HS3ST3A1: variants seen among roughly 807,000 people sequenced by gnomAD.
HS3ST3A1 encodes the protein heparan sulfate glucosamine 3-O-sulfotransferase 3A1.
HS3ST3A1 carries 19 observed loss-of-function variants against 25.7 expected under a neutral mutation model. The ratio of observed to expected loss-of-function variants is 0.74; its 90% CI spans 0.52 to 1.08. The LOEUF is 1.08. HS3ST3A1 is among the 50% of genes least tolerant of loss of function. The pLI is 0.00. For synonymous variants in HS3ST3A1, 226 were observed against 278.6 expected, an observed-to-expected ratio of 0.81 and a Z score of 1.88; for missense variants, 459 against 594.3, an observed-to-expected ratio of 0.77 and a Z score of 2.37.
At position 13,601,054 on chromosome 17, in the gene HS3ST3A1, A is replaced by G; in HGVS notation, c.76T>C (p.Leu26=). The change falls in exon 1 of 2, where the codon TTG becomes CTG. Residue 26 remains leucine, a synonymous_variant. Transcript: ENST00000284110. ...GTGAGCAGGGAGCAGAGCATCAGCA[A>G]GAACTTCCGGAAGATGCTGCGGGAC... ...PLSRSIFRKF[L]LMLCSLLTSL... The G allele has an allele frequency of 6.2e-7, 1 of 1,600,028 alleles. No individual in the cohort carries two copies. The highest frequency in any genetic ancestry group is 1.1e-5 in the South Asian group (1 of 88,478).
chr17:13,543,634 A>T (rs910224529), intron 1 of HS3ST3A1: 1 of 161,832 alleles, frequency 6.2e-6, no homozygotes, highest in South Asian at 2.0e-4. Context: ...AACCTAATAC[A>T]TGCAGAATCA....
intron 1 of HS3ST3A1, among the ~76,000 whole-genome samples, chr17:13,575,666 G>A (rs1907931123): frequency 6.6e-6 from 1 of 152,220 alleles, no homozygotes; most frequent in Admixed American, 6.5e-5. Flanking sequence ...GATAAGAAGG[G>A]AGGGAAATTG....
At position 13,560,239 on chromosome 17, in the gene HS3ST3A1, G is replaced by A. The variant is rs571396733; in HGVS notation, c.599+40292C>T. 5.8e-4 allele frequency among the ~76,000 whole-genome samples: 71 copies of A among 123,424 alleles called. No individual in the cohort carries two copies. In the Middle Eastern group the frequency reaches 0.037, roughly 65 times the overall value. 81.0% of individuals were successfully genotyped at this position (123,424 alleles called of 152,430 possible). ...CGAGAGGTGGAGGTTGCAGTGAGCCGAGACAGCGCCACTATACTCCAGCCT... is the reference window on the plus strand; with the variant it reads ...CGAGAGGTGGAGGTTGCAGTGAGCCAAGACAGCGCCACTATACTCCAGCCT... On this transcript the variant is annotated intron_variant, in intron 1 of 1. Transcript: ENST00000284110.
chr17:13,555,836 A>G (rs1172944761), intron 1 of HS3ST3A1: 2 of 152,210 alleles, frequency 1.3e-5, no homozygotes, highest in African/African-American at 2.4e-5. Context: ...AATGTGTCTG[A>G]GAGTATATTA....
intron 1 of HS3ST3A1, among the ~76,000 whole-genome samples, chr17:13,564,911 G>C (rs192208409): frequency 2.0e-5 from 3 of 151,796 alleles, no homozygotes; most frequent in Non-Finnish European, 2.9e-5. Context: ...TAGTAGAGAC[G>C]GGGTTCTGCC....
intron 1 of HS3ST3A1, among the ~76,000 whole-genome samples, chr17:13,577,811 G>A (rs1002316349): frequency 3.3e-5 from 5 of 152,070 alleles, no homozygotes; most frequent in South Asian, 2.1e-4. Flanking sequence ...TCAGGCCCCA[G>A]CTTTTAAGTC....
chr17:13,498,662 C>A (rs1476284398), intron 1 of HS3ST3A1, among the ~76,000 whole-genome samples: 2 of 152,310 alleles, frequency 1.3e-5, no homozygotes, highest in South Asian at 2.1e-4. Context: ...GACAGAGAGG[C>A]CTTGCAGGCT....
chr17:13,572,066 T>C (rs191327312), intron 1 of HS3ST3A1, among the ~76,000 whole-genome samples: 1 of 152,248 alleles, frequency 6.6e-6, no homozygotes, highest in Admixed American at 6.5e-5. Context: ...GCCAATAATG[T>C]TTTTAAAAAA....
intron 1 of HS3ST3A1, among the ~76,000 whole-genome samples, chr17:13,509,437 A>G (rs1905789532): frequency 6.6e-6 from 1 of 152,224 alleles, no homozygotes; most frequent in African/African-American, 2.4e-5. Context: ...AAAATCAGTC[A>G]AAATAGAAAT....
chr17:13,547,676 G>C (rs1356110496), intron 1 of HS3ST3A1, among the ~76,000 whole-genome samples: 2 of 152,136 alleles, frequency 1.3e-5, no homozygotes, highest in African/African-American at 4.8e-5. Context: ...AATAAGTACA[G>C]TCTTTTTTGA....
In HS3ST3A1 at chr17:13,555,723, AC is replaced by A. The variant is rs138261727; in HGVS notation, c.599+44807del. Among the ~76,000 whole-genome samples the A allele has an allele frequency of 5.4e-3, 818 of 152,316 alleles. 11 individuals carry two copies. The highest frequency in any genetic ancestry group is 0.019 in the African/African-American group (786 of 41,572). On this transcript the variant is annotated intron_variant, in intron 1 of 1. Coordinates refer to ENST00000284110, the MANE Select transcript of HS3ST3A1 (RefSeq NM_006042.3). ...AAAATGCAAAAGATGTTTATAATTA[AC>A]AGAAGGTGCTGAGACAATCATTTAA...
At chr17:13,507,964 C>A (rs1905737964) in intron 1 of HS3ST3A1, among the ~76,000 whole-genome samples, 1 of 152,110 alleles carries the variant, frequency 6.6e-6, no homozygotes, top group Non-Finnish European at 1.5e-5. Context: ...ATGTGGGACC[C>A]CTCTGAAAAC....
chr17:13,508,099 G>A (rs1263465322), intron 1 of HS3ST3A1, among the ~76,000 whole-genome samples: 2 of 152,128 alleles, frequency 1.3e-5, no homozygotes, highest in Non-Finnish European at 2.9e-5. Flanking sequence ...GCAATTCTAA[G>A]AACCAAATCA....
intron 1 of HS3ST3A1, among the ~76,000 whole-genome samples, chr17:13,566,941 T>G (rs933289839): frequency 1.3e-5 from 2 of 152,322 alleles, no homozygotes; most frequent in South Asian, 2.1e-4. Flanking sequence ...TACATAAAAT[T>G]ATTGATGAAG....
intron 1 of HS3ST3A1, among the ~76,000 whole-genome samples, chr17:13,565,101 T>C (rs1448229082): frequency 1.3e-5 from 2 of 152,004 alleles, no homozygotes; most frequent in African/African-American, 4.8e-5. Context: ...TTTCTTTTAT[T>C]GGAGTAGTCA....
At chr17:13,496,841 T>G (rs758059869) in intron 1 of HS3ST3A1, 23 bp from the exon 2 acceptor site, 3 of 1,604,410 alleles carry the variant, frequency 1.9e-6, no homozygotes, top group Non-Finnish European at 2.6e-6. Context: ...AAAAGGCATG[T>G]CAGAGATGTG....
intron 1 of HS3ST3A1, among the ~76,000 whole-genome samples, chr17:13,579,726 AAAT>A (rs1216367944): frequency 6.7e-6 from 1 of 148,348 alleles, no homozygotes; most frequent in African/African-American, 2.5e-5. Context: ...AAAAAAAAAA[AAAT>A]CATAAGAAAT....
At chr17:13,587,062 A>G (rs1429960580) in intron 1 of HS3ST3A1, among the ~76,000 whole-genome samples, 5 of 151,838 alleles carry the variant, frequency 3.3e-5, no homozygotes, top group Admixed American at 2.6e-4. Flanking sequence ...TTTTAAGGTA[A>G]CTACTAGAAA....
chr17:13,563,301 G>A (rs1272435012), intron 1 of HS3ST3A1, among the ~76,000 whole-genome samples: 3 of 151,936 alleles, frequency 2.0e-5, no homozygotes, highest in Non-Finnish European at 4.4e-5. Context: ...GGGAATGAAG[G>A]GATTTAGGAG....
Sources: allele counts gnomAD v4.1 joint callset (sites outside exome capture counted in the v4.1 genomes callset), GRCh38; gene constraint gnomAD v4.1.1; transcripts MANE v1.5; gene names NCBI Gene and HGNC (gene_info 2026-07-23, HGNC 2026-07-21).